Variants in UNC13C observed in about 807,000 individuals in gnomAD.
The protein encoded by UNC13C is protein unc-13 homolog C.
A neutral mutation model predicts 245.4 loss-of-function variants in UNC13C; 174 were observed. The ratio of observed to expected loss-of-function variants is 0.71; its 90% confidence interval spans 0.63 to 0.80. UNC13C has a LOEUF of 0.80. Among genes scored for constraint, UNC13C ranks in the 30% least tolerant of loss-of-function variants. UNC13C has a pLI of 0.00. For missense variants in UNC13C, 2,829 were observed against 2,602.9 expected (o/e 1.09, Z -1.89); for synonymous variants, 992 against 895.1 (o/e 1.11, Z -1.93).
At chr15:54,339,957 T>A (rs1397144319) in intron 17 of UNC13C, among the ~76,000 whole-genome samples, 1 of 152,204 alleles carries the variant, frequency 6.6e-6, no homozygotes, top group Non-Finnish European at 1.5e-5. Flanking sequence ...CGTCTATTAT[T>A]TTTTATGTTT....
chr15:54,023,784 A>G (rs745650384), intron 2 of UNC13C, among the ~76,000 whole-genome samples: 4 of 152,182 alleles, frequency 2.6e-5, no homozygotes, highest in Non-Finnish European at 4.4e-5. Context: ...TTAACTGACG[A>G]TGAAAGATGG....
At position 54,443,421 on chromosome 15, in the gene UNC13C, ATT is replaced by A. The variant is rs576850350; in HGVS notation, c.4933+28355_4933+28356del. Among the ~76,000 whole-genome samples, 452 of 151,754 alleles carry A rather than the reference ATT, an allele frequency of 3.0e-3. 10 individuals carry two copies. The highest frequency in any genetic ancestry group is 0.027 in the Admixed American group (414 of 15,218). The stretch of plus-strand genomic sequence containing the variant: ...TTTGTTTAGATTTAGTCTGTTGTTT[ATT>A]ATTTCTTTCTTTCAACTAATTTCGG... On this transcript the variant is annotated intron_variant, in intron 19 of 32. Transcript: ENST00000260323.
intron 4 of UNC13C, among the ~76,000 whole-genome samples, chr15:54,184,771 G>A (rs1409797190): frequency 2.6e-5 from 4 of 152,068 alleles, no homozygotes; most frequent in African/African-American, 9.7e-5. Context: ...ATAATCCTTT[G>A]GGTATATACC....
At chr15:54,605,586 T>A (rs778099961) in intron 30 of UNC13C, among the ~76,000 whole-genome samples, 3 of 152,192 alleles carry the variant, frequency 2.0e-5, no homozygotes, top group Non-Finnish European at 4.4e-5. Flanking sequence ...TGTCCTGGCA[T>A]GGAGCCCACC....
At chr15:54,122,471 G>C (rs139921248) in intron 2 of UNC13C, among the ~76,000 whole-genome samples, 150 of 151,960 alleles carry the variant, frequency 9.9e-4, no homozygotes, top group South Asian at 2.1e-3. Flanking sequence ...TTTTAAAATT[G>C]ACTTATTTGA....
At chr15:54,454,920 C>CA (rs1567288440) in intron 19 of UNC13C, among the ~76,000 whole-genome samples, 5 of 151,270 alleles carry the variant, frequency 3.3e-5, no homozygotes, top group Admixed American at 3.3e-4. Flanking sequence ...CCCATCACGT[C>CA]AGTAGTATAC....
chr15:54,086,709 C>T (rs1490308302), intron 2 of UNC13C, among the ~76,000 whole-genome samples: 9 of 140,824 alleles, frequency 6.4e-5, no homozygotes, highest in Non-Finnish European at 1.4e-4. Context: ...ATTTATTTCA[C>T]ATGTACTATG....
intron 17 of UNC13C, among the ~76,000 whole-genome samples, chr15:54,343,190 G>T (rs2038776647): frequency 6.7e-6 from 1 of 150,082 alleles, no homozygotes; most frequent in African/African-American, 2.5e-5. Context: ...CTGGAGCGCA[G>T]TGGCGCAATC....
chr15:54,091,268 GCT>G (rs1446931987), intron 2 of UNC13C, among the ~76,000 whole-genome samples: 1 of 152,146 alleles, frequency 6.6e-6, no homozygotes, highest in Non-Finnish European at 1.5e-5. Context: ...ATGTTCCTCA[GCT>G]CTGTTTAACT....
In UNC13C at chr15:54,013,095, G is replaced by C; in HGVS notation, c.192G>C (p.Lys64Asn). Residue 64 changes from lysine to asparagine, a missense_variant, in exon 2 of 33, where the codon AAG becomes AAC. By Grantham distance (94) the Lys-to-Asn change is moderately conservative. Transcript: ENST00000260323. ...KFSYTFKSTV[K>N]KIAKCSSTHN... is the part of the protein sequence containing the mutation. ...CTTACACTTTTAAAAGCACTGTAAA[G>C]AAGATTGCAAAGTGTTCATCCACTC... The C allele has an allele frequency of 6.2e-7, 1 of 1,613,896 alleles. No homozygotes were observed. Among genetic ancestry groups the C allele is most frequent in the Non-Finnish European group, 8.5e-7 (1 of 1,179,844 alleles).
chr15:54,393,018 CTTT>C (rs1567235145), intron 17 of UNC13C, 27 bp from the exon 18 acceptor site: 1 of 1,535,684 alleles, frequency 6.5e-7, no homozygotes, highest in Non-Finnish European at 8.7e-7. Context: ...TTAACCTTTT[CTTT>C]TGCATGTTGC....
intron 32 of UNC13C, among the ~76,000 whole-genome samples, chr15:54,626,410 T>G (rs1365736113): frequency 7.8e-6 from 1 of 127,458 alleles, no homozygotes; most frequent in Non-Finnish European, 1.8e-5. Flanking sequence ...TTATTCAAGA[T>G]TTGGAGGTAA....
rs764582746 is a variant in UNC13C at position 54,014,661 on chromosome 15, A to G, written c.1758A>G (p.Leu586=). ...TCCTGTCATCTTCGGACCGGGAGCT[A>G]TGGCAGAGGAAACAGGAAGGAACAG... is the stretch of plus-strand genomic sequence containing the variant. ...SSLLSSSDRE[L]WQRKQEGTAT... Residue 586 remains leucine (L), a synonymous_variant, in exon 2 of 33, where the codon CTA becomes CTG. Transcript: ENST00000260323. The G allele has an allele frequency of 2.5e-6, 4 of 1,613,466 alleles. No homozygotes were observed. The highest frequency in any genetic ancestry group is 1.7e-5 in the Admixed American group (1 of 59,904).
chr15:54,111,832 A>G (rs1900790727), intron 2 of UNC13C, among the ~76,000 whole-genome samples: 1 of 152,192 alleles, frequency 6.6e-6, no homozygotes, highest in South Asian at 2.1e-4. Flanking sequence ...GAAGGGAGAT[A>G]CTGCCCTTCC....
chr15:54,373,074 G>T (rs2039526876), intron 17 of UNC13C, among the ~76,000 whole-genome samples: 1 of 152,144 alleles, frequency 6.6e-6, no homozygotes, highest in South Asian at 2.1e-4. Flanking sequence ...GGTGTCCCCA[G>T]TTGAAGCAAA....
the UNC13C span, among the ~76,000 whole-genome samples, chr15:53,928,911 C>T: frequency 6.6e-6 from 1 of 152,116 alleles, no homozygotes; most frequent in East Asian, 1.9e-4. Context: ...TGAAATTCAG[C>T]CTTGAAGACA....
At chr15:54,379,004 A>G (rs1157045893) in intron 17 of UNC13C, among the ~76,000 whole-genome samples, 1 of 152,052 alleles carries the variant, frequency 6.6e-6, no homozygotes, top group Non-Finnish European at 1.5e-5. Flanking sequence ...TGAATATTTT[A>G]TGGTAATGAA....
At chr15:54,552,456 A>ATT (rs1224274331) in intron 28 of UNC13C, among the ~76,000 whole-genome samples, 1 of 47,172 alleles carries the variant, frequency 2.1e-5, no homozygotes, top group Non-Finnish European at 3.1e-5. Flanking sequence ...TATATAATAT[A>ATT]ATTATATATT....
chr15:53,902,611 T>C, the UNC13C span, among the ~76,000 whole-genome samples: 1 of 152,174 alleles, frequency 6.6e-6, no homozygotes, highest in Non-Finnish European at 1.5e-5. Context: ...ACTTATTTAA[T>C]TAACTCATAT....
Sources: allele counts gnomAD v4.1 joint callset (sites outside exome capture counted in the v4.1 genomes callset), GRCh38; gene constraint gnomAD v4.1.1; transcripts MANE v1.5; gene names NCBI Gene and HGNC (gene_info 2026-07-23, HGNC 2026-07-21).